Variants in LRMDA observed in about 807,000 individuals in gnomAD.
LRMDA encodes leucine-rich melanocyte differentiation-associated protein.
LRMDA carries 18 observed loss-of-function variants against 29.8 expected under a neutral mutation model. That is an observed-to-expected ratio of 0.60 (90% confidence interval 0.42 to 0.90). The LOEUF is 0.90. Ranked by LOEUF, LRMDA falls within the 40% of genes least tolerant of loss-of-function variation. The pLI is 0.00. For missense variants in LRMDA, 273 were observed against 273.9 expected (o/e 1.00, Z 0.02); for synonymous variants, 125 against 109.4 (o/e 1.14, Z -0.89).
At chr10:76,521,287 C>G (rs1324256774) in intron 6 of LRMDA, among the ~76,000 whole-genome samples, 1 of 152,136 alleles carries the variant, frequency 6.6e-6, no homozygotes, top group Non-Finnish European at 1.5e-5. Context: ...GCGCCTGCCA[C>G]CACGCCCGGC....
intron 2 of LRMDA, among the ~76,000 whole-genome samples, chr10:76,000,331 C>T (rs1847540333): frequency 6.6e-6 from 1 of 152,154 alleles, no homozygotes; most frequent in Non-Finnish European, 1.5e-5. Flanking sequence ...ATGAAGATGG[C>T]TCCTACTGCG....
chr10:76,203,493 T>C (rs1851470408), intron 5 of LRMDA, among the ~76,000 whole-genome samples: 2 of 152,334 alleles, frequency 1.3e-5, no homozygotes, highest in East Asian at 1.9e-4. Flanking sequence ...GAAAAATATA[T>C]ATTTAATTTT....
At chr10:75,595,679 A>G (rs1374841874) in intron 2 of LRMDA, among the ~76,000 whole-genome samples, 4 of 151,198 alleles carry the variant, frequency 2.6e-5, no homozygotes, top group African/African-American at 9.7e-5. Context: ...AAGAATGATA[A>G]TTTAAAAGCA....
intron 6 of LRMDA, among the ~76,000 whole-genome samples, chr10:76,413,351 G>A (rs1205705320): frequency 6.6e-6 from 1 of 152,170 alleles, no homozygotes; most frequent in Non-Finnish European, 1.5e-5. Context: ...CAGAAAAAGA[G>A]GTTTAATGGA....
At chr10:75,446,210 G>A (rs534412360) in intron 2 of LRMDA, among the ~76,000 whole-genome samples, 1 of 152,354 alleles carries the variant, frequency 6.6e-6, no homozygotes, top group East Asian at 1.9e-4. Flanking sequence ...CAAGGCTTTG[G>A]GGTTGGACCA....
chr10:75,560,249 G>A (rs866655429), intron 2 of LRMDA, among the ~76,000 whole-genome samples: 11 of 151,918 alleles, frequency 7.2e-5, no homozygotes, highest in Admixed American at 2.6e-4. Context: ...GGTCTTTCAC[G>A]TCCCTTGTAA....
chr10:76,448,658 A>G (rs1296138493), intron 6 of LRMDA, among the ~76,000 whole-genome samples: 1 of 151,316 alleles, frequency 6.6e-6, no homozygotes, highest in Non-Finnish European at 1.5e-5. Flanking sequence ...TCTAAATGAG[A>G]CTCTAGATTC....
chr10:76,305,583 A>G (rs2132369078), intron 5 of LRMDA, among the ~76,000 whole-genome samples: 1 of 152,316 alleles, frequency 6.6e-6, no homozygotes, highest in Non-Finnish European at 1.5e-5. Flanking sequence ...GGCACAGGGT[A>G]GTGTTTCTTT....
chr10:76,380,142 G>A (rs1013943288), intron 6 of LRMDA, among the ~76,000 whole-genome samples: 2 of 152,120 alleles, frequency 1.3e-5, no homozygotes, highest in African/African-American at 2.4e-5. Flanking sequence ...GTCTATTTTG[G>A]AGAATATTCC....
intron 6 of LRMDA, among the ~76,000 whole-genome samples, chr10:76,472,066 A>G (rs1292942652): frequency 1.3e-5 from 2 of 151,744 alleles, no homozygotes; most frequent in Non-Finnish European, 3.0e-5. Flanking sequence ...AACACTATAA[A>G]CCAACTTGAC....
intron 2 of LRMDA, chr10:75,450,297 C>T (rs1425087940): frequency 6.6e-6 from 1 of 152,130 alleles, no homozygotes; most frequent in Non-Finnish European, 1.5e-5. Context: ...CTCCTCCAGA[C>T]CCATCATTAT....
intron 6 of LRMDA, among the ~76,000 whole-genome samples, chr10:76,464,437 G>A (rs1378552280): frequency 1.3e-5 from 2 of 152,162 alleles, no homozygotes; most frequent in Admixed American, 6.5e-5. Flanking sequence ...TGGGAAAAGA[G>A]CTCCTAGGTG....
intron 2 of LRMDA, among the ~76,000 whole-genome samples, chr10:75,553,287 C>T (rs929747026): frequency 3.3e-5 from 5 of 152,200 alleles, no homozygotes; most frequent in African/African-American, 1.2e-4. Context: ...GCTTCAAATT[C>T]TTCCAGTGGT....
intron 5 of LRMDA, among the ~76,000 whole-genome samples, chr10:76,111,926 C>T (rs1849585275): frequency 6.6e-6 from 1 of 152,162 alleles, no homozygotes; most frequent in South Asian, 2.1e-4. Flanking sequence ...CCGGGGAGCA[C>T]TTAAAAGTAG....
Position 75,686,942 on chromosome 10 carries a change from A to C in LRMDA, c.131+248448A>C, listed in dbSNP as rs150310886. Reference sequence around the variant, plus strand: ...TATTATGCTGATCTGTGATCCATGAACTTTGATGTTCCCATTATAATTGTT... The same window carrying C: ...TATTATGCTGATCTGTGATCCATGACCTTTGATGTTCCCATTATAATTGTT... On this transcript the variant is annotated intron_variant, in intron 2 of 6. Coordinates refer to ENST00000611255, the MANE Select transcript of LRMDA (RefSeq NM_001305581.2). Among the ~76,000 whole-genome samples, 74 of 152,248 alleles carry C rather than the reference A, an allele frequency of 4.9e-4. No homozygotes were observed. The South Asian group carries it at 5.0e-3, about 10-fold the overall frequency.
At chr10:76,131,990 A>T (rs969972206) in intron 5 of LRMDA, among the ~76,000 whole-genome samples, 1 of 152,030 alleles carries the variant, frequency 6.6e-6, no homozygotes, top group Non-Finnish European at 1.5e-5. Context: ...AAATGTGTAG[A>T]CTCTAATTTA....
intron 5 of LRMDA, among the ~76,000 whole-genome samples, chr10:76,292,359 G>A (rs951062327): frequency 6.6e-6 from 1 of 152,102 alleles, no homozygotes; most frequent in East Asian, 1.9e-4. Context: ...TCACAGAGCT[G>A]GGTGGTGACG....
chr10:76,212,890 G>A (rs1415606839), intron 5 of LRMDA, among the ~76,000 whole-genome samples: 1 of 152,154 alleles, frequency 6.6e-6, no homozygotes, highest in Non-Finnish European at 1.5e-5. Flanking sequence ...GATGTGCCAA[G>A]GAATCAGGCA....
At chr10:76,275,687 T>A (rs1041127980) in intron 5 of LRMDA, among the ~76,000 whole-genome samples, 2 of 152,104 alleles carry the variant, frequency 1.3e-5, no homozygotes, top group African/African-American at 4.8e-5. Flanking sequence ...TCCATTAAAT[T>A]GTGTGTGTGT....
Sources: allele counts gnomAD v4.1 joint callset (sites outside exome capture counted in the v4.1 genomes callset), GRCh38; gene constraint gnomAD v4.1.1; transcripts MANE v1.5; gene names NCBI Gene and HGNC (gene_info 2026-07-23, HGNC 2026-07-21).